The following ZPLD1 variants were observed in gnomAD, a reference collection of about 807,000 sequenced individuals.
ZPLD1 encodes the protein zona pellucida like domain containing 1.
ZPLD1 carries 34 observed loss-of-function variants against 47.2 expected under a neutral mutation model. The ratio of observed to expected loss-of-function variants is 0.72; its 90% CI spans 0.55 to 0.96. The LOEUF (loss-of-function observed/expected upper bound fraction) is 0.96. Among genes scored for constraint, ZPLD1 ranks in the 40% least tolerant of loss-of-function variants. The pLI is 0.00. For missense variants in ZPLD1, 512 were observed against 505.8 expected, an observed-to-expected ratio of 1.01 and a Z score of -0.12; for synonymous variants, 176 against 186.2, an observed-to-expected ratio of 0.95 and a Z score of 0.45.
intron 3 of ZPLD1, among the ~76,000 whole-genome samples, chr3:102,439,372 A>G (rs1177586636): frequency 1.3e-5 from 2 of 152,236 alleles, no homozygotes; most frequent in Admixed American, 6.5e-5. Flanking sequence ...ATCAGTAGGT[A>G]GTTACATAGA....
intron 3 of ZPLD1, among the ~76,000 whole-genome samples, chr3:102,442,807 C>A (rs1307543964): frequency 6.7e-6 from 1 of 150,316 alleles, no homozygotes; most frequent in African/African-American, 2.5e-5. Flanking sequence ...TATCCTGGGA[C>A]CAAGAGAAGC....
In ZPLD1 at chr3:102,470,480, T is replaced by C. The variant is rs1413877048; in HGVS notation, c.1020T>C (p.Ala340=). 1.9e-6 allele frequency: 3 copies of C among 1,614,016 alleles called. No homozygotes were observed. The highest frequency in any genetic ancestry group is 3.3e-4 in the Middle Eastern group (2 of 6,062). Residue 340 remains alanine (A), a synonymous_variant, in exon 10 of 12, where the codon GCT becomes GCC. Transcript: ENST00000466937. The stretch of plus-strand genomic sequence containing the variant: ...CTTCTGGCAGCGCGGTGCTCTCTGC[T>C]GGTCCCATCATTACTCGGAGTGGTA... The part of the protein sequence containing the change: ...QSSSGSAVLS[A]GPIITRSDET...
rs1707211944 is a variant in ZPLD1, at chr3:102,443,507, T to C, written c.106+4914T>C. 2.0e-5 allele frequency among the ~76,000 whole-genome samples: 3 copies of C among 152,156 alleles called. No homozygotes were observed. In the South Asian group the frequency reaches 6.2e-4, roughly 32 times the overall value. On this transcript the variant is annotated intron_variant, in intron 3 of 11. Coordinates refer to ENST00000466937, the MANE Select transcript of ZPLD1 (RefSeq NM_001329788.2). ...TGAATAGTAAGTTTTAAAAATGATG[T>C]ATGTGTGGAGATTCTCAATGGAAAT...
chr3:102,394,060 G>A (rs1706530949), intron 7 of ZPLD1, among the ~76,000 whole-genome samples: 1 of 152,148 alleles, frequency 6.6e-6, no homozygotes, highest in African/African-American at 2.4e-5. Context: ...GTTACAAAGT[G>A]AAAAACCTTT....
At chr3:102,412,479 G>A (rs990215530) in intron 7 of ZPLD1, among the ~76,000 whole-genome samples, 1 of 151,572 alleles carries the variant, frequency 6.6e-6, no homozygotes, top group Admixed American at 6.6e-5. Context: ...ATGATATTAG[G>A]GAGGATTTAA....
intron 6 of ZPLD1, among the ~76,000 whole-genome samples, chr3:102,387,054 TA>T (rs1661931051): frequency 6.6e-6 from 1 of 152,176 alleles, no homozygotes; most frequent in East Asian, 1.9e-4. Flanking sequence ...ATCCTTCCAT[TA>T]AATTACATTA....
At position 102,462,273 on chromosome 3, in the gene ZPLD1, A is replaced by G. The variant is rs1010636040; in HGVS notation, c.583-8A>G. ...GTAATAATAGATTTTTTATTGTTTCATCATTAGGATTCAACCTACAACCAG... is the reference window on the plus strand; with the variant it reads ...GTAATAATAGATTTTTTATTGTTTCGTCATTAGGATTCAACCTACAACCAG... On this transcript the variant is annotated splice_region_variant and splice_polypyrimidine_tract_variant and intron_variant, in intron 6 of 11. Coordinates refer to ENST00000466937, the MANE Select transcript of ZPLD1 (RefSeq NM_001329788.2). The G allele has an allele frequency of 2.2e-5, 35 of 1,575,440 alleles. No individual in the cohort carries two copies. The highest frequency in any genetic ancestry group is 2.6e-5 in the Non-Finnish European group (30 of 1,152,486).
At chr3:102,453,856 G>A (rs1229437604) in intron 4 of ZPLD1, among the ~76,000 whole-genome samples, 2 of 152,062 alleles carry the variant, frequency 1.3e-5, no homozygotes, top group African/African-American at 4.8e-5. Flanking sequence ...AGTTAAATAA[G>A]GAATTGACTC....
chr3:102,396,594 A>G (rs1252665275), intron 7 of ZPLD1, among the ~76,000 whole-genome samples: 1 of 152,134 alleles, frequency 6.6e-6, no homozygotes, highest in Non-Finnish European at 1.5e-5. Flanking sequence ...AATACTGTGA[A>G]TAATAGCTAA....
intron 2 of ZPLD1, among the ~76,000 whole-genome samples, 186 bp downstream of exon 2, chr3:102,437,159 G>A (rs1345934016): frequency 6.6e-6 from 1 of 152,156 alleles, no homozygotes; most frequent in Admixed American, 6.5e-5. Flanking sequence ...TTTTGCTTAT[G>A]GACTGTCACA....
At chr3:102,452,114 CGTGTGTGT>C (rs56086826) in intron 3 of ZPLD1, among the ~76,000 whole-genome samples, 6,483 of 141,766 alleles carry the variant, frequency 0.046, 227 homozygotes, top group African/African-American at 0.1. Flanking sequence ...ATATGAAGAC[CGTGTGTGT>C]GTGTGTGTGT....
intron 10 of ZPLD1, among the ~76,000 whole-genome samples, chr3:102,471,386 G>C (rs1256062945): frequency 2.6e-5 from 4 of 152,072 alleles, no homozygotes; most frequent in African/African-American, 9.7e-5. Flanking sequence ...TCCGTACATG[G>C]CCCAGTTTGA....
At chr3:102,434,519 A>G (rs1707057350), upstream of ZPLD1, among the ~76,000 whole-genome samples, 1 of 152,136 alleles carries the variant, frequency 6.6e-6, no homozygotes, top group Admixed American at 6.5e-5. Flanking sequence ...TTTTTTACAC[A>G]AACACTTCTG....
At chr3:102,396,320 T>G (rs1393617185) in intron 7 of ZPLD1, among the ~76,000 whole-genome samples, 1 of 152,172 alleles carries the variant, frequency 6.6e-6, no homozygotes, top group Non-Finnish European at 1.5e-5. Context: ...AGAGTAATCT[T>G]TTTTGAAGAC....
chr3:102,385,872 G>A (rs1706419146), intron 6 of ZPLD1, among the ~76,000 whole-genome samples: 1 of 152,164 alleles, frequency 6.6e-6, no homozygotes, highest in African/African-American at 2.4e-5. Context: ...ACTTAAAACA[G>A]GGCAATAGCT....
chr3:102,445,628 T>C (rs1436478170), intron 3 of ZPLD1, among the ~76,000 whole-genome samples: 1 of 152,212 alleles, frequency 6.6e-6, no homozygotes, highest in Admixed American at 6.5e-5. Flanking sequence ...TGTATTTTTA[T>C]AAGATTCTTT....
intron 3 of ZPLD1, among the ~76,000 whole-genome samples, 171 bp from the exon 4 acceptor site, chr3:102,452,748 A>G (rs1257242367): frequency 6.6e-6 from 1 of 151,892 alleles, no homozygotes; most frequent in East Asian, 1.9e-4. Context: ...ATAAAAGGCT[A>G]TTTTTCTTGT....
At chr3:102,395,940 T>C (rs1298504893) in intron 7 of ZPLD1, among the ~76,000 whole-genome samples, 2 of 152,210 alleles carry the variant, frequency 1.3e-5, no homozygotes, top group Non-Finnish European at 2.9e-5. Context: ...TATTAGAAAT[T>C]ATGTATTTTG....
chr3:102,467,220 C>T (rs1160584326), intron 8 of ZPLD1, among the ~76,000 whole-genome samples: 1 of 152,002 alleles, frequency 6.6e-6, no homozygotes, highest in Admixed American at 6.5e-5. Context: ...AGTTGTAAAA[C>T]CCATAAATAA....
Sources: allele counts gnomAD v4.1 joint callset (sites outside exome capture counted in the v4.1 genomes callset), GRCh38; gene constraint gnomAD v4.1.1; transcripts MANE v1.5; gene names NCBI Gene and HGNC (gene_info 2026-07-23, HGNC 2026-07-21).